Variants in CFAP54 observed in about 807,000 individuals in gnomAD.
CFAP54 encodes cilia and flagella associated protein 54.
Under a neutral mutation model 370.4 loss-of-function variants are expected in CFAP54, and 290 were observed. The observed-to-expected ratio is 0.78, with a 90% confidence interval of 0.71 to 0.86. CFAP54 has a LOEUF of 0.86. Among genes scored for constraint, CFAP54 ranks in the 40% least tolerant of loss-of-function variants. The pLI, the probability that CFAP54 is intolerant of heterozygous loss-of-function variation, is 0.00. For missense variants in CFAP54, 3,399 were observed against 3,528.7 expected, an observed-to-expected ratio of 0.96 and a Z score of 0.93; for synonymous variants, 1,206 against 1,236.5, an observed-to-expected ratio of 0.98 and a Z score of 0.52.
intron 58 of CFAP54, 124 bp downstream of exon 58, chr12:96,757,712 C>A (rs1262570263): frequency 7.4e-6 from 4 of 537,024 alleles, no homozygotes; most frequent in Non-Finnish European, 1.3e-5. Context: ...TAATTCATTT[C>A]TTTGTAGTTA....
intron 48 of CFAP54, among the ~76,000 whole-genome samples, chr12:96,712,477 G>T (rs755354252): frequency 1.6e-4 from 24 of 151,802 alleles, no homozygotes; most frequent in Non-Finnish European, 3.4e-4. Flanking sequence ...ATCAAATCAG[G>T]GTAATTGGGA....
chr12:96,782,173 A>T (rs1191405617), intron 60 of CFAP54, among the ~76,000 whole-genome samples: 1 of 152,118 alleles, frequency 6.6e-6, no homozygotes, highest in African/African-American at 2.4e-5. Context: ...GAATTAAAAA[A>T]ATATTAATCT....
At chr12:96,708,008 G>A (rs1256939801) in intron 47 of CFAP54, among the ~76,000 whole-genome samples, 1 of 152,162 alleles carries the variant, frequency 6.6e-6, no homozygotes, top group African/African-American at 2.4e-5. Flanking sequence ...GACAATTTGT[G>A]TGATTGTGTG....
At chr12:96,543,642 A>G (rs1477390845) in intron 14 of CFAP54, among the ~76,000 whole-genome samples, 1 of 152,048 alleles carries the variant, frequency 6.6e-6, no homozygotes. Flanking sequence ...GAGGCTTTGG[A>G]TGATGTTTTC....
At chr12:96,618,253 A>G (rs1956444568) in intron 26 of CFAP54, among the ~76,000 whole-genome samples, 1 of 152,156 alleles carries the variant, frequency 6.6e-6, no homozygotes, top group South Asian at 2.1e-4. Context: ...TGCTAAAACA[A>G]TCCAAAAAAA....
At chr12:96,858,487 A>C (rs967720062) in intron 66 of CFAP54, among the ~76,000 whole-genome samples, 8 of 152,110 alleles carry the variant, frequency 5.3e-5, no homozygotes, top group Non-Finnish European at 1.0e-4. Flanking sequence ...AGAAGCTCTT[A>C]AGTTTAATTA....
chr12:96,743,968 A>C (rs1008049186), intron 54 of CFAP54, 52 bp from the exon 55 acceptor site: 1 of 1,603,356 alleles, frequency 6.2e-7, no homozygotes, highest in Non-Finnish European at 8.5e-7. Context: ...CTTTCCTCCT[A>C]TTCCAAACCA....
chr12:96,812,683 C>T (rs1285370737), intron 64 of CFAP54, among the ~76,000 whole-genome samples: 2 of 152,170 alleles, frequency 1.3e-5, no homozygotes, highest in Non-Finnish European at 2.9e-5. Context: ...ACGCCTTTTC[C>T]ATCAATGGCT....
At chr12:96,774,418 A>G (rs1205160816) in intron 60 of CFAP54, among the ~76,000 whole-genome samples, 2 of 152,194 alleles carry the variant, frequency 1.3e-5, no homozygotes, top group African/African-American at 2.4e-5. Flanking sequence ...CGGAATATGT[A>G]AAGTGTGACA....
At chr12:96,874,669 G>T (rs1379234105) in intron 67 of CFAP54, among the ~76,000 whole-genome samples, 1 of 114,966 alleles carries the variant, frequency 8.7e-6, no homozygotes, top group Non-Finnish European at 1.7e-5. Context: ...TCGCTCTGTC[G>T]CCCAGGCTGG....
intron 67 of CFAP54, among the ~76,000 whole-genome samples, chr12:96,871,211 A>G (rs1287373234): frequency 6.6e-6 from 1 of 152,238 alleles, no homozygotes; most frequent in Non-Finnish European, 1.5e-5. Flanking sequence ...AGGCTCAAAG[A>G]ACAAAGCCTC....
At chr12:96,553,198 G>A (rs937340072) in intron 15 of CFAP54, among the ~76,000 whole-genome samples, 3 of 152,124 alleles carry the variant, frequency 2.0e-5, no homozygotes, top group South Asian at 2.1e-4. Context: ...CTTGAAATAT[G>A]TAGCGTAGTT....
chr12:96,496,451 G>A (rs1237102244), intron 1 of CFAP54, among the ~76,000 whole-genome samples: 2 of 152,176 alleles, frequency 1.3e-5, no homozygotes, highest in African/African-American at 4.8e-5. Context: ...AGCAGGGTTG[G>A]TTTCTCATGA....
At chr12:96,734,313 C>T (rs192943534) in intron 50 of CFAP54, among the ~76,000 whole-genome samples, 149 of 152,218 alleles carry the variant, frequency 9.8e-4, no homozygotes, top group African/African-American at 3.4e-3. Flanking sequence ...TGTGCCTCTG[C>T]TTGCCAAGCA....
At chr12:96,608,465 T>TC (rs1956323906) in intron 26 of CFAP54, among the ~76,000 whole-genome samples, 2 of 145,352 alleles carry the variant, frequency 1.4e-5, no homozygotes, top group Non-Finnish European at 3.0e-5. Context: ...AGGACTTTTT[T>TC]TTTTTTTTTT....
intron 30 of CFAP54, among the ~76,000 whole-genome samples, chr12:96,627,780 A>G (rs1480827662): frequency 6.6e-6 from 1 of 152,212 alleles, no homozygotes; most frequent in Non-Finnish European, 1.5e-5. Flanking sequence ...AAATTTTTTA[A>G]AAAATAGCTA....
In CFAP54 at chr12:96,664,807, A is replaced by C. The variant is rs200340292; in HGVS notation, c.5563+875A>C. Among the ~76,000 whole-genome samples the C allele has an allele frequency of 1.0e-3, 24 of 23,080 alleles. 3 individuals are homozygous for C. The highest frequency in any genetic ancestry group is 4.0e-3 in the African/African-American group (19 of 4,764). The allele number at this position is 23,080 out of a possible 152,430, so 15.1% of individuals were successfully genotyped here. Reference sequence around the variant, plus strand: ...TATATATATATATATATATATATATATATATAGATATATATATGTATATCC... The same window carrying C: ...TATATATATATATATATATATATATCTATATAGATATATATATGTATATCC... On this transcript the variant is annotated intron_variant, in intron 39 of 67. Coordinates refer to ENST00000524981, the MANE Select transcript of CFAP54 (RefSeq NM_001306084.2).
chr12:96,653,542 A>G (rs1408636194), intron 36 of CFAP54, among the ~76,000 whole-genome samples: 1 of 152,246 alleles, frequency 6.6e-6, no homozygotes, highest in Non-Finnish European at 1.5e-5. Flanking sequence ...CAAAGAAGAA[A>G]ACACAAGAGA....
At chr12:96,672,357 G>A (rs1957157101) in intron 39 of CFAP54, among the ~76,000 whole-genome samples, 1 of 152,132 alleles carries the variant, frequency 6.6e-6, no homozygotes, top group Non-Finnish European at 1.5e-5. Context: ...AGGTGGTAAA[G>A]GTAGAGATGG....
Sources: allele counts gnomAD v4.1 joint callset (sites outside exome capture counted in the v4.1 genomes callset), GRCh38; gene constraint gnomAD v4.1.1; transcripts MANE v1.5; gene names NCBI Gene and HGNC (gene_info 2026-07-23, HGNC 2026-07-21).